Variants in SDHAF2 observed in about 807,000 individuals in gnomAD.
The protein encoded by SDHAF2 is succinate dehydrogenase assembly factor 2, mitochondrial.
A neutral mutation model predicts 18.5 loss-of-function variants in SDHAF2; 21 were observed. That is an observed-to-expected ratio of 1.13 (90% CI 0.80 to 1.63). The LOEUF (loss-of-function observed/expected upper bound fraction) is 1.63. Ranked by LOEUF, SDHAF2 falls within the 40% of genes most tolerant of loss-of-function variation. The pLI is 0.00. For missense variants in SDHAF2, 195 were observed against 200.3 expected (o/e 0.97, Z 0.16); for synonymous variants, 84 against 70.7 (o/e 1.19, Z -0.94).
At chr11:61,430,209 CG>C in intron 1 of SDHAF2, 27 bp downstream of exon 1, 1 of 1,613,982 alleles carries the variant, frequency 6.2e-7, no homozygotes, top group Non-Finnish European at 8.5e-7. Flanking sequence ...TTCTAGCGTC[CG>C]GGGCGGGCGG....
chr11:61,432,202 G>A (rs1045258482), intron 1 of SDHAF2: 3 of 152,116 alleles, frequency 2.0e-5, no homozygotes, highest in African/African-American at 4.8e-5. Context: ...GGTGAGCCTT[G>A]ATTTTGCAAC....
In SDHAF2 at chr11:61,444,635, C is replaced by T. The variant is rs554202504; in HGVS notation, c.371-1306C>T. Reference sequence around the variant, plus strand: ...GCGGGCGCCTGTGGTGCCAGCTACTCGGGAGGCTGAGGCGGGAGAATGGCG... The same window carrying T: ...GCGGGCGCCTGTGGTGCCAGCTACTTGGGAGGCTGAGGCGGGAGAATGGCG... On this transcript the variant is annotated intron_variant, in intron 3 of 3. Coordinates refer to ENST00000301761, the MANE Select transcript of SDHAF2 (RefSeq NM_017841.4). 5.3e-5 allele frequency among the ~76,000 whole-genome samples: 8 copies of T among 152,072 alleles called. No individual in the cohort carries two copies. The South Asian group carries it at 1.2e-3, about 24-fold the overall frequency.
At chr11:61,440,577 G>T (rs927543777) in intron 3 of SDHAF2, among the ~76,000 whole-genome samples, 2 of 152,078 alleles carry the variant, frequency 1.3e-5, no homozygotes, top group Non-Finnish European at 2.9e-5. Context: ...CTCCAGCCTG[G>T]GTGACAGAAT....
intron 3 of SDHAF2, among the ~76,000 whole-genome samples, chr11:61,439,866 TTTCCAGCTTTAGGTGATTATA>T (rs1360594227): frequency 6.6e-6 from 1 of 152,268 alleles, no homozygotes; most frequent in African/African-American, 2.4e-5. Context: ...ATTAGGATTA[TTTCCAGCTTTAGGTGATTATA>T]AATGAAGCCA....
intron 3 of SDHAF2, among the ~76,000 whole-genome samples, chr11:61,443,814 A>G (rs3018734): frequency 0.88 from 133,711 of 151,702 alleles, 59,005 homozygotes; most frequent in East Asian, 1. Flanking sequence ...TCACTCTGTC[A>G]CCCAGACTGG....
In SDHAF2 at chr11:61,433,235, T is replaced by C. The variant is rs374377398; in HGVS notation, c.36+3053T>C. The C allele has an allele frequency of 3.3e-5, 5 of 152,256 alleles. No homozygotes were observed. In the East Asian group the frequency reaches 5.8e-4, roughly 18 times the overall value. 9.4% of individuals were successfully genotyped at this position (152,256 alleles called of 1,614,324 possible). ...TTGTATTTTTAGTAGAGATGGGGTT[T>C]CACTGTGTTAGCCAGGATGGTCTCC... is the stretch of plus-strand genomic sequence containing the variant. On this transcript the variant is annotated intron_variant, in intron 1 of 3. Transcript: ENST00000301761.
intron 3 of SDHAF2, among the ~76,000 whole-genome samples, chr11:61,444,798 A>G (rs1862118275): frequency 1.3e-5 from 2 of 152,152 alleles, no homozygotes; most frequent in South Asian, 4.1e-4. Context: ...TATGATGTCC[A>G]GTGTCTCTTC....
intron 3 of SDHAF2, among the ~76,000 whole-genome samples, chr11:61,443,538 A>G (rs1862095662): frequency 6.6e-6 from 1 of 152,206 alleles, no homozygotes; most frequent in Non-Finnish European, 1.5e-5. Flanking sequence ...TGTGGGGATC[A>G]AGTCAGTGAG....
chr11:61,430,568 G>A (rs1242798068), intron 1 of SDHAF2: 5 of 310,026 alleles, frequency 1.6e-5, no homozygotes, highest in Middle Eastern at 9.3e-4. Flanking sequence ...ATAATTGTAC[G>A]TGTTTATGGG....
chr11:61,437,709 A>G lies in SDHAF2; in HGVS notation c.121A>G (p.Thr41Ala), dbSNP rs1455092335. The stretch of plus-strand genomic sequence containing the variant: ...ACGCTTCTACAGAGGTGACAGCCCA[A>G]CAGATTCCCAAAAGGACATGATTGA... ...FRRFYRGDSP[T>A]DSQKDMIEIP... Residue 41 changes from threonine to alanine, a missense_variant, in exon 2 of 4, where the codon ACA becomes GCA. Thr to Ala is a moderately conservative substitution (Grantham distance 58). Transcript: ENST00000301761. 19 of 1,614,084 alleles carry G rather than the reference A, an allele frequency of 1.2e-5. No homozygotes were observed. Among genetic ancestry groups the G allele is most frequent in the Non-Finnish European group, 1.5e-5 (18 of 1,180,038 alleles).
chr11:61,430,427 G>T (rs1361442149), intron 1 of SDHAF2: 1 of 569,210 alleles, frequency 1.8e-6, no homozygotes, highest in Non-Finnish European at 3.1e-6. Flanking sequence ...GACCCAATTC[G>T]CCTCTCACCT....
intron 3 of SDHAF2, among the ~76,000 whole-genome samples, chr11:61,439,791 T>C (rs1862040896): frequency 6.6e-6 from 1 of 152,240 alleles, no homozygotes; most frequent in African/African-American, 2.4e-5. Flanking sequence ...CATTCTTTTG[T>C]GTTGAGTAAT....
In SDHAF2 at chr11:61,446,041, T is replaced by C; in HGVS notation, c.471T>C (p.Asp157=). The change falls in exon 4 of 4, where the codon GAT becomes GAC. Residue 157 remains aspartate (D), a synonymous_variant. Coordinates refer to ENST00000301761, the MANE Select transcript of SDHAF2 (RefSeq NM_017841.4). Reference sequence around the variant, plus strand: ...AAGAGCAGAGACTGCGTGCCCCAGATCTTGAGTACCTCTTTGAAAAGCCAC... The same window carrying C: ...AAGAGCAGAGACTGCGTGCCCCAGACCTTGAGTACCTCTTTGAAAAGCCAC... ...KNKEQRLRAP[D]LEYLFEKPR is the part of the protein sequence containing the mutation. The C allele has an allele frequency of 6.2e-7, 1 of 1,614,206 alleles. No individual in the cohort carries two copies. Among genetic ancestry groups the C allele is most frequent in the Non-Finnish European group, 8.5e-7 (1 of 1,180,044 alleles).
At chr11:61,444,623 G>A (rs1464159521) in intron 3 of SDHAF2, among the ~76,000 whole-genome samples, 4 of 152,122 alleles carry the variant, frequency 2.6e-5, no homozygotes, top group Admixed American at 2.6e-4. Flanking sequence ...GGCGCCTGTG[G>A]TGCCAGCTAC....
At chr11:61,430,306 C>T in intron 1 of SDHAF2, 124 bp downstream of exon 1, 2 of 1,209,498 alleles carry the variant, frequency 1.7e-6, no homozygotes, top group South Asian at 2.5e-5. Context: ...AGGGCAGGCC[C>T]AGGGAGAGGC....
chr11:61,446,624 G>A lies in SDHAF2; in HGVS notation c.*553G>A, dbSNP rs1319211999. 1 of 426,668 alleles carries A rather than the reference G, an allele frequency of 2.3e-6. No homozygotes were observed. Among genetic ancestry groups the A allele is most frequent in the Non-Finnish European group, 4.1e-6 (1 of 241,564 alleles). 26.4% of individuals were successfully genotyped at this position (426,668 alleles called of 1,614,324 possible). A position where few individuals can be genotyped will look rare whatever the true frequency, so the allele number is the denominator to read the frequency against. On this transcript the variant is annotated 3_prime_UTR_variant, in exon 4 of 4. Transcript: ENST00000301761. ...GGCAGAATGAGGGCCACAGGCAGGA[G>A]TGGTGTGGGCACACTGCTTAGGAGT...
rs1252968371 is a variant in SDHAF2, at chr11:61,443,621, C to T, written c.371-2320C>T. On this transcript the variant is annotated intron_variant, in intron 3 of 3. Coordinates refer to ENST00000301761, the MANE Select transcript of SDHAF2 (RefSeq NM_017841.4). Reference sequence around the variant, plus strand: ...TTGCATTACTAGTGTCTAGCGTTAACGTGTGCTTAGAGTGGAAGCTGGCTC... The same window carrying T: ...TTGCATTACTAGTGTCTAGCGTTAATGTGTGCTTAGAGTGGAAGCTGGCTC... 2.6e-5 allele frequency among the ~76,000 whole-genome samples: 4 copies of T among 152,152 alleles called. No homozygotes were observed. The South Asian group carries it at 6.2e-4, about 24-fold the overall frequency.
chr11:61,445,749 G>A (rs773750001), intron 3 of SDHAF2, among the ~76,000 whole-genome samples, 192 bp from the exon 4 acceptor site: 3 of 152,172 alleles, frequency 2.0e-5, no homozygotes, highest in Non-Finnish European at 4.4e-5. Context: ...CCAATAAAAC[G>A]ACTTGCAAAT....
rs910837624 is a variant in SDHAF2, at chr11:61,446,148, G to A, written c.*77G>A. The A allele has an allele frequency of 1.9e-5, 30 of 1,570,704 alleles. No homozygotes were observed. The highest frequency in any genetic ancestry group is 1.0e-4 in the Admixed American group (6 of 59,932). On this transcript the variant is annotated 3_prime_UTR_variant, in exon 4 of 4. Coordinates refer to ENST00000301761, the MANE Select transcript of SDHAF2 (RefSeq NM_017841.4). ...TATGATGGACGTTAGCCTTGCTTCCGGCTTCTTAGATGCCCAGCTGCCCTA... is the reference window on the plus strand; with the variant it reads ...TATGATGGACGTTAGCCTTGCTTCCAGCTTCTTAGATGCCCAGCTGCCCTA...
Sources: gnomAD v4.1 joint callset for allele counts (sites outside exome capture counted in the v4.1 genomes callset) on GRCh38, gnomAD v4.1.1 for gene constraint, MANE v1.5 for transcripts, NCBI Gene and HGNC (gene_info 2026-07-23, HGNC 2026-07-21) for gene names.